ARNT: variants seen among roughly 807,000 people sequenced by gnomAD.
ARNT encodes the protein aryl hydrocarbon receptor nuclear translocator.
Under a neutral mutation model 105.0 loss-of-function variants are expected in ARNT, and 30 were observed. The observed-to-expected ratio is 0.29, with a 90% CI of 0.21 to 0.39. ARNT has a LOEUF of 0.39. Among genes scored for constraint, ARNT ranks in the 10% least tolerant of loss-of-function variants. The probability of loss-of-function intolerance (pLI) is 1.00; values close to 1 mark genes in which losing one functional copy is unlikely to be tolerated. For missense variants in ARNT, 748 were observed against 978.7 expected (o/e 0.76, Z 3.15); for synonymous variants, 304 against 344.0 (o/e 0.88, Z 1.29).
chr1:150,860,512 A>G (rs1021925271), intron 1 of ARNT, among the ~76,000 whole-genome samples: 1 of 151,582 alleles, frequency 6.6e-6, no homozygotes, highest in South Asian at 2.1e-4. Flanking sequence ...CACCGTGCCC[A>G]GCAGAAAAAA....
chr1:150,821,954 A>C (rs1021247998), intron 14 of ARNT, among the ~76,000 whole-genome samples: 1 of 151,514 alleles, frequency 6.6e-6, no homozygotes, highest in African/African-American at 2.4e-5. Context: ...CAAAGTGATA[A>C]AGTGATGGGA....
intron 3 of ARNT, among the ~76,000 whole-genome samples, chr1:150,847,562 G>T (rs1287384378): frequency 6.6e-6 from 1 of 151,680 alleles, no homozygotes; most frequent in Non-Finnish European, 1.5e-5. Flanking sequence ...ACCTCTCTTT[G>T]GATCTGCATG....
At chr1:150,847,629 G>A (rs1405129033) in intron 3 of ARNT, among the ~76,000 whole-genome samples, 1 of 151,980 alleles carries the variant, frequency 6.6e-6, no homozygotes, top group Non-Finnish European at 1.5e-5. Context: ...GCTAATTCAC[G>A]GGTATAAAAA....
At chr1:150,814,307 T>C (rs1655385639) in intron 19 of ARNT, 68 bp from the exon 20 acceptor site, 1 of 1,496,928 alleles carries the variant, frequency 6.7e-7, no homozygotes, top group African/African-American at 1.4e-5. Context: ...ACCATGCCTA[T>C]GAGAGTCAAC....
chr1:150,863,500 A>T (rs111593726), intron 1 of ARNT, among the ~76,000 whole-genome samples: 23 of 152,210 alleles, frequency 1.5e-4, no homozygotes, highest in African/African-American at 5.5e-4. Context: ...GCCCATGGGG[A>T]AGTTTCAAAA....
At position 150,813,299 on chromosome 1, in the gene ARNT, C is replaced by T. The variant is rs587733705; in HGVS notation, c.2153G>A (p.Arg718Gln). 60 of 1,612,488 alleles carry T rather than the reference C, an allele frequency of 3.7e-5. No individual in the cohort carries two copies. Among genetic ancestry groups the T allele is most frequent in the East Asian group, 3.1e-4 (14 of 44,802 alleles). Residue 718 changes from arginine (R) to glutamine (Q), a missense_variant, in exon 21 of 22, where the codon CGG becomes CAG. Coordinates refer to ENST00000358595, the MANE Select transcript of ARNT (RefSeq NM_001668.4). ...CCAGACACCCACACCCTCTGCTGTC[C>T]GTGTCTGGAATTGTCCTGCAGTCTG... ...TGQTAGQFQT[R>Q]TAEGVGVWPQ...
At chr1:150,833,633 T>C (rs1659733674) in intron 8 of ARNT, among the ~76,000 whole-genome samples, 1 of 152,208 alleles carries the variant, frequency 6.6e-6, no homozygotes, top group South Asian at 2.1e-4. Context: ...ATTTCCATTA[T>C]ATAGCCTGAA....
chr1:150,817,306 A>G, intron 16 of ARNT, 55 bp downstream of exon 16: 9 of 1,611,384 alleles, frequency 5.6e-6, no homozygotes, highest in Non-Finnish European at 7.6e-6. Flanking sequence ...AGTACCGGAG[A>G]ACACTTCCTA....
At chr1:150,813,747 C>T (rs1655241816) in intron 20 of ARNT, among the ~76,000 whole-genome samples, 1 of 151,890 alleles carries the variant, frequency 6.6e-6, no homozygotes, top group Non-Finnish European at 1.5e-5. Context: ...TGGGTTCAAG[C>T]GATTCTCCTG....
At chr1:150,849,555 G>A (rs990855520) in intron 3 of ARNT, among the ~76,000 whole-genome samples, 18 of 152,188 alleles carry the variant, frequency 1.2e-4, no homozygotes, top group African/African-American at 3.9e-4. Context: ...GAAGGCCAAG[G>A]TGGGAGGATT....
chr1:150,824,986 C>T (rs897971886), intron 13 of ARNT, among the ~76,000 whole-genome samples: 1 of 152,176 alleles, frequency 6.6e-6, no homozygotes, highest in East Asian at 1.9e-4. Flanking sequence ...CTCAGCCTCC[C>T]AAGTAGCTGG....
intron 1 of ARNT, among the ~76,000 whole-genome samples, chr1:150,873,048 G>A (rs1667708205): frequency 6.6e-6 from 1 of 152,038 alleles, no homozygotes; most frequent in Non-Finnish European, 1.5e-5. Flanking sequence ...ACTTTGGGAG[G>A]CCGAGGCAGG....
At chr1:150,871,904 T>A (rs1667512595) in intron 1 of ARNT, among the ~76,000 whole-genome samples, 1 of 63,742 alleles carries the variant, frequency 1.6e-5, no homozygotes, top group South Asian at 8.8e-4. Context: ...TAAGACCCTG[T>A]CTCAAAAAAA....
intron 6 of ARNT, among the ~76,000 whole-genome samples, chr1:150,838,691 C>T (rs1295208703): frequency 6.6e-6 from 1 of 152,044 alleles, no homozygotes; most frequent in Non-Finnish European, 1.5e-5. Flanking sequence ...CTACATTTTC[C>T]AAATTTTTCT....
intron 5 of ARNT, 45 bp downstream of exon 5, chr1:150,842,379 G>A: frequency 1.9e-6 from 3 of 1,591,486 alleles, no homozygotes; most frequent in Non-Finnish European, 2.6e-6. Flanking sequence ...GATAGAAAAA[G>A]CAGCATCATC....
At chr1:150,840,864 C>T (rs903993477) in intron 5 of ARNT, among the ~76,000 whole-genome samples, 1 of 152,040 alleles carries the variant, frequency 6.6e-6, no homozygotes, top group African/African-American at 2.4e-5. Flanking sequence ...CAGTGTCCTC[C>T]ATGGGGATGC....
intron 14 of ARNT, 52 bp downstream of exon 14, chr1:150,823,136 TTTTCTG>T: frequency 7.1e-6 from 10 of 1,416,130 alleles, no homozygotes; most frequent in Non-Finnish European, 9.4e-6. Context: ...ATCAGAAGTG[TTTTCTG>T]TTGTGAGAAC....
intron 14 of ARNT, among the ~76,000 whole-genome samples, chr1:150,818,715 C>T (rs987791621): frequency 4.8e-4 from 73 of 151,242 alleles, no homozygotes; most frequent in Admixed American, 4.2e-3. Context: ...CGCCACCGCA[C>T]TCCAGCCTGG....
chr1:150,854,112 C>G (rs749974274), intron 2 of ARNT, among the ~76,000 whole-genome samples: 5 of 152,126 alleles, frequency 3.3e-5, no homozygotes, highest in Admixed American at 6.6e-5. Flanking sequence ...AAGAGACAAG[C>G]TCTCACTCTG....
Sources: gnomAD v4.1 joint callset for allele counts (sites outside exome capture counted in the v4.1 genomes callset) on GRCh38, gnomAD v4.1.1 for gene constraint, MANE v1.5 for transcripts, NCBI Gene and HGNC (gene_info 2026-07-23, HGNC 2026-07-21) for gene names.